CERS4: variants seen among roughly 807,000 people sequenced by gnomAD.
CERS4 encodes LAG1 homolog, ceramide synthase 4.
CERS4 carries 65 observed loss-of-function variants against 51.8 expected under a neutral mutation model. That is an observed-to-expected ratio of 1.26 (90% CI 1.03 to 1.54). The LOEUF (loss-of-function observed/expected upper bound fraction) is 1.54, where lower values mean the gene tolerates loss of function less well. Ranked by LOEUF, CERS4 falls within the 40% of genes most tolerant of loss-of-function variation. The pLI, the probability that CERS4 is intolerant of heterozygous loss-of-function variation, is 0.00. For synonymous variants in CERS4, 228 were observed against 208.4 expected (o/e 1.09, Z -0.81); for missense variants, 563 against 500.4 (o/e 1.13, Z -1.19).
chr19:8,226,320 G>A lies in CERS4; in HGVS notation c.-2+15458G>A, dbSNP rs769761604. Reference sequence around the variant, plus strand: ...GGATAATACCTGGGATGGTACCAACGCTATTGGTCACTGGTGCCTTAGGAT... The same window carrying A: ...GGATAATACCTGGGATGGTACCAACACTATTGGTCACTGGTGCCTTAGGAT... On this transcript the variant is annotated intron_variant, in intron 2 of 11. Transcript: ENST00000251363. Among the ~76,000 whole-genome samples, 13 of 152,282 alleles carry A rather than the reference G, an allele frequency of 8.5e-5. No individual in the cohort carries two copies. In the East Asian group the frequency reaches 1.2e-3, roughly 14 times the overall value.
At chr19:8,212,954 A>C (rs1192427927) in intron 2 of CERS4, among the ~76,000 whole-genome samples, 1 of 151,256 alleles carries the variant, frequency 6.6e-6, no homozygotes, top group Non-Finnish European at 1.5e-5. Flanking sequence ...AGCCCGTCTC[A>C]CTTTCTTTTG....
chr19:8,257,918 T>G lies in CERS4; in HGVS notation c.781T>G (p.Cys261Gly). Residue 261 changes from cysteine (C) to glycine (G), a missense_variant, in exon 10 of 12, where the codon TGC becomes GGC. Cys to Gly is a radical substitution (Grantham distance 159). Transcript: ENST00000251363. ...CAACTACATGCAGTATCAGCAAGTG[T>G]GCGACGCTCTCTTCCTCATCTTCTC... Reference protein sequence around the residue: ...MVNYMQYQQVCDALFLIFSFV... With the variant: ...MVNYMQYQQVGDALFLIFSFV... 1 of 1,613,890 alleles carries G rather than the reference T, an allele frequency of 6.2e-7. No homozygotes were observed. Among genetic ancestry groups the G allele is most frequent in the Non-Finnish European group, 8.5e-7 (1 of 1,179,984 alleles).
chr19:8,259,833 T>A (rs949414276), intron 10 of CERS4, among the ~76,000 whole-genome samples: 1 of 152,084 alleles, frequency 6.6e-6, no homozygotes, highest in African/African-American at 2.4e-5. Context: ...TGGCATCACC[T>A]AGGGACCAGG....
At chr19:8,238,889 A>G (rs1968391407) in intron 2 of CERS4, among the ~76,000 whole-genome samples, 1 of 152,082 alleles carries the variant, frequency 6.6e-6, no homozygotes, top group Non-Finnish European at 1.5e-5. Context: ...GCTCAAGACC[A>G]GGAGTGCAAG....
intron 2 of CERS4, among the ~76,000 whole-genome samples, chr19:8,238,797 A>G (rs1312292647): frequency 1.3e-5 from 2 of 152,130 alleles, no homozygotes; most frequent in Non-Finnish European, 2.9e-5. Context: ...GGGCATAGAC[A>G]TTAAGAAATT....
At chr19:8,250,722 T>C (rs1969033916) in intron 2 of CERS4, 1 of 721,588 alleles carries the variant, frequency 1.4e-6, no homozygotes, top group African/African-American at 1.9e-5. Context: ...TCTAAAGTGC[T>C]GGGATTACAG....
intron 2 of CERS4, among the ~76,000 whole-genome samples, chr19:8,217,462 G>A (rs532337854): frequency 6.6e-6 from 1 of 151,918 alleles, no homozygotes; most frequent in African/African-American, 2.4e-5. Context: ...TCCGCCTCCC[G>A]AGTTCAAGCG....
chr19:8,214,953 G>A (rs932822136), intron 2 of CERS4, among the ~76,000 whole-genome samples: 1 of 135,276 alleles, frequency 7.4e-6, no homozygotes, highest in Non-Finnish European at 1.6e-5. Context: ...GGGAGGAGAG[G>A]GAGGAGGGGG....
chr19:8,211,933 T>A (rs1157801779), intron 2 of CERS4, among the ~76,000 whole-genome samples: 1 of 135,348 alleles, frequency 7.4e-6, no homozygotes, highest in Non-Finnish European at 1.6e-5. Flanking sequence ...ATGCCTGGGG[T>A]CAGGGGGAGT....
At chr19:8,229,020 TAA>T (rs78709327) in intron 2 of CERS4, among the ~76,000 whole-genome samples, 16 of 133,974 alleles carry the variant, frequency 1.2e-4, no homozygotes, top group Non-Finnish European at 1.3e-4. Flanking sequence ...AGACTTCATC[TAA>T]AAAAAAAAAA....
chr19:8,252,691 G>A (rs1018802493), intron 3 of CERS4, among the ~76,000 whole-genome samples: 2 of 152,078 alleles, frequency 1.3e-5, no homozygotes, highest in African/African-American at 4.8e-5. Context: ...CACCCACCTT[G>A]GCCTCCCAAA....
chr19:8,256,412 G>A, intron 7 of CERS4, 126 bp downstream of exon 7: 1 of 1,175,426 alleles, frequency 8.5e-7, no homozygotes, highest in Non-Finnish European at 1.2e-6. Flanking sequence ...CACGCTCTTT[G>A]ATTCCTCTGG....
intron 3 of CERS4, among the ~76,000 whole-genome samples, chr19:8,253,562 C>T (rs988752090): frequency 2.0e-5 from 3 of 150,796 alleles, no homozygotes; most frequent in Admixed American, 6.7e-5. Context: ...TGGGTTCACA[C>T]CATTCTCCTG....
rs1229141397 is a variant in CERS4, at chr19:8,256,953, T to C, written c.617T>C (p.Phe206Ser). 9 of 1,614,190 alleles carry C rather than the reference T, an allele frequency of 5.6e-6. No homozygotes were observed. Among genetic ancestry groups the C allele is most frequent in the Non-Finnish European group, 7.6e-6 (9 of 1,180,034 alleles). Residue 206 changes from phenylalanine to serine, a missense_variant, in exon 9 of 12, where the codon TTC (phenylalanine) becomes TCC (serine). Physicochemically the swap from Phe to Ser is radical, Grantham distance 155 (BLOSUM62 -2). Transcript: ENST00000251363. The stretch of plus-strand genomic sequence containing the variant: ...ATGACCCACCGTCTACTGCAGGATT[T>C]CAAGGAGCAGGTGATACACCACTTC... ...RLPFDVKRKD[F>S]KEQVIHHFVA...
chr19:8,235,090 C>A (rs1366045856), intron 2 of CERS4, among the ~76,000 whole-genome samples: 1 of 148,962 alleles, frequency 6.7e-6, no homozygotes, highest in African/African-American at 2.5e-5. Flanking sequence ...CTCACTGCAA[C>A]CTCTGCCTCC....
intron 2 of CERS4, among the ~76,000 whole-genome samples, chr19:8,248,347 A>G (rs1968881765): frequency 6.6e-6 from 1 of 152,120 alleles, no homozygotes; most frequent in South Asian, 2.1e-4. Flanking sequence ...GCAACGACAG[A>G]TGGATAAATG....
intron 9 of CERS4, 95 bp from the exon 10 acceptor site, chr19:8,257,784 C>T: frequency 1.1e-6 from 1 of 889,102 alleles, no homozygotes; most frequent in East Asian, 2.4e-5. Flanking sequence ...GGAAACAAGG[C>T]CCCACCCCAA....
chr19:8,227,641 C>T (rs990132928), intron 2 of CERS4, among the ~76,000 whole-genome samples: 3 of 152,014 alleles, frequency 2.0e-5, no homozygotes, highest in Admixed American at 2.0e-4. Context: ...TGCACCCAGC[C>T]TGATTCAGCC....
chr19:8,218,577 C>G (rs1352676460), intron 2 of CERS4, among the ~76,000 whole-genome samples: 1 of 152,118 alleles, frequency 6.6e-6, no homozygotes, highest in African/African-American at 2.4e-5. Flanking sequence ...TCACAAAGGC[C>G]TCGAATGCCA....
Sources: allele counts gnomAD v4.1 joint callset (sites outside exome capture counted in the v4.1 genomes callset), GRCh38; gene constraint gnomAD v4.1.1; transcripts MANE v1.5; gene names NCBI Gene and HGNC (gene_info 2026-07-23, HGNC 2026-07-21).